The following HIP1 variants were observed in gnomAD, a reference collection of about 807,000 sequenced individuals.
HIP1 encodes huntingtin-interacting protein 1.
A neutral mutation model predicts 147.6 loss-of-function variants in HIP1; 65 were observed. The observed-to-expected ratio is 0.44, with a 90% confidence interval of 0.36 to 0.54. HIP1 has a LOEUF of 0.54. HIP1 is among the 20% of genes least tolerant of loss of function. HIP1 has a pLI of 0.00. For synonymous variants in HIP1, 479 were observed against 504.0 expected (o/e 0.95, Z 0.67); for missense variants, 1,061 against 1,299.6 (o/e 0.82, Z 2.82).
chr7:75,585,559 C>T (rs969868858), intron 5 of HIP1, among the ~76,000 whole-genome samples: 17 of 152,058 alleles, frequency 1.1e-4, no homozygotes, highest in Middle Eastern at 3.4e-3. Flanking sequence ...TCCAATCACA[C>T]GCTACAAGCC....
Position 75,535,108 on chromosome 7 carries a change from A to C in HIP1, c.*3064T>G. The C allele has an allele frequency of 4.6e-6, 1 of 216,304 alleles. No homozygotes were observed. Among genetic ancestry groups the C allele is most frequent in the African/African-American group, 2.2e-5 (1 of 44,492 alleles). 13.4% of individuals were successfully genotyped at this position (216,304 alleles called of 1,614,324 possible). A position where few individuals can be genotyped will look rare whatever the true frequency, so the allele number is the denominator to read the frequency against. Reference sequence around the variant, plus strand: ...TACGAAAGTAATTATGTGACATCTGACAGCTACTTCCTCATGTGACACTGA... The same window carrying C: ...TACGAAAGTAATTATGTGACATCTGCCAGCTACTTCCTCATGTGACACTGA... On this transcript the variant is annotated 3_prime_UTR_variant, in exon 31 of 31. Coordinates refer to ENST00000336926, the MANE Select transcript of HIP1 (RefSeq NM_005338.7).
chr7:75,714,189 G>A (rs782615730), intron 1 of HIP1, among the ~76,000 whole-genome samples: 2 of 151,276 alleles, frequency 1.3e-5, no homozygotes, highest in African/African-American at 2.4e-5. Flanking sequence ...ACAGGTGTGC[G>A]CCATCATGCC....
intron 1 of HIP1, among the ~76,000 whole-genome samples, chr7:75,693,769 G>C (rs1345212035): frequency 6.6e-6 from 1 of 150,818 alleles, no homozygotes; most frequent in African/African-American, 2.4e-5. Flanking sequence ...CAGCTACTCG[G>C]GGGAAGGGAG....
At chr7:75,731,105 A>G (rs1163954761) in intron 1 of HIP1, among the ~76,000 whole-genome samples, 1 of 152,102 alleles carries the variant, frequency 6.6e-6, no homozygotes, top group Non-Finnish European at 1.5e-5. Context: ...AGGGACCAAA[A>G]GAAAGCTCTT....
intron 1 of HIP1, among the ~76,000 whole-genome samples, chr7:75,624,216 A>G (rs1385195671): frequency 6.6e-6 from 1 of 152,188 alleles, no homozygotes; most frequent in Non-Finnish European, 1.5e-5. Flanking sequence ...GCGCTGATGG[A>G]TACTCCCTGC....
At chr7:75,717,178 T>C (rs964389803) in intron 1 of HIP1, among the ~76,000 whole-genome samples, 9 of 152,098 alleles carry the variant, frequency 5.9e-5, no homozygotes, top group Non-Finnish European at 1.2e-4. Context: ...CCACGCATGA[T>C]GAAATTGATA....
At chr7:75,668,315 A>C (rs1296544267) in intron 1 of HIP1, among the ~76,000 whole-genome samples, 1 of 152,014 alleles carries the variant, frequency 6.6e-6, no homozygotes, top group Non-Finnish European at 1.5e-5. Flanking sequence ...GGACTTCCCA[A>C]CTTTTGTTTT....
chr7:75,669,228 G>A (rs1799659379), intron 1 of HIP1, among the ~76,000 whole-genome samples: 1 of 151,940 alleles, frequency 6.6e-6, no homozygotes, highest in Non-Finnish European at 1.5e-5. Flanking sequence ...AAAAAATTAG[G>A]CTGGCATGGC....
chr7:75,586,870 A>G (rs1268472022), intron 4 of HIP1, 37 bp from the exon 5 acceptor site: 3 of 1,245,054 alleles, frequency 2.4e-6, no homozygotes, highest in African/African-American at 2.9e-5. Context: ...GTCAACAACA[A>G]GAACATAACA....
chr7:75,732,673 G>A (rs1225078231), intron 1 of HIP1, among the ~76,000 whole-genome samples: 2 of 152,148 alleles, frequency 1.3e-5, no homozygotes, highest in African/African-American at 2.4e-5. Flanking sequence ...GAGCCACTGC[G>A]CCCGGCTCAC....
intron 7 of HIP1, among the ~76,000 whole-genome samples, chr7:75,578,763 T>A (rs1312808412): frequency 6.6e-6 from 1 of 152,176 alleles, no homozygotes; most frequent in Non-Finnish European, 1.5e-5. Context: ...ATCCAAATGA[T>A]GAAAAGTTAG....
intron 1 of HIP1, among the ~76,000 whole-genome samples, chr7:75,669,035 C>T (rs62475513): frequency 3.6e-4 from 54 of 149,680 alleles, no homozygotes; most frequent in Non-Finnish European, 5.8e-4. Context: ...CTGGCCAACA[C>T]GGCGAAACCT....
intron 1 of HIP1, among the ~76,000 whole-genome samples, chr7:75,666,925 C>G (rs939040954): frequency 2.0e-5 from 3 of 152,070 alleles, no homozygotes; most frequent in South Asian, 2.1e-4. Flanking sequence ...AGCAAAAAAG[C>G]AGGACACGAA....
At chr7:75,627,203 A>G (rs150777685) in intron 1 of HIP1, among the ~76,000 whole-genome samples, 4 of 152,314 alleles carry the variant, frequency 2.6e-5, no homozygotes, top group African/African-American at 9.6e-5. Context: ...GTGTACTTCA[A>G]TGAAGCAAGT....
chr7:75,560,953 ATT>A (rs11438714), intron 13 of HIP1, among the ~76,000 whole-genome samples: 14 of 140,036 alleles, frequency 1.0e-4, no homozygotes, highest in South Asian at 2.3e-4. Context: ...AGGTGATGCA[ATT>A]TTTTTTTTTT....
At position 75,533,631 on chromosome 7, in the gene HIP1, T is replaced by G. The variant is rs587774547; in HGVS notation, c.*4541A>C. On this transcript the variant is annotated 3_prime_UTR_variant, in exon 31 of 31. Transcript: ENST00000336926. ...CTCGGTTTGTCCCTATGAGTGGTAA[T>G]CAGTTTCATTTAGGGCCTTCAAACC... 2.6e-5 allele frequency: 6 copies of G among 232,612 alleles called. No individual in the cohort carries two copies. The highest frequency in any genetic ancestry group is 4.3e-5 in the Non-Finnish European group (5 of 117,628). 14.4% of individuals were successfully genotyped at this position (232,612 alleles called of 1,614,324 possible).
intron 1 of HIP1, among the ~76,000 whole-genome samples, chr7:75,690,649 G>A (rs1406755786): frequency 6.6e-6 from 1 of 151,996 alleles, no homozygotes; most frequent in Admixed American, 6.6e-5. Context: ...GATCACCTGA[G>A]GTCAGGAGTT....
chr7:75,673,801 T>C (rs1799799378), intron 1 of HIP1, among the ~76,000 whole-genome samples: 1 of 116,388 alleles, frequency 8.6e-6, no homozygotes, highest in Non-Finnish European at 1.7e-5. Flanking sequence ...CTGGGCAACA[T>C]AGCAAAGCCC....
At chr7:75,661,819 G>A (rs1220660142) in intron 1 of HIP1, among the ~76,000 whole-genome samples, 1 of 152,020 alleles carries the variant, frequency 6.6e-6, no homozygotes, top group African/African-American at 2.4e-5. Flanking sequence ...ATGGGCAGTG[G>A]GAGGTGGTGA....
Sources: gnomAD v4.1 joint callset for allele counts (sites outside exome capture counted in the v4.1 genomes callset) on GRCh38, gnomAD v4.1.1 for gene constraint, MANE v1.5 for transcripts, NCBI Gene and HGNC (gene_info 2026-07-23, HGNC 2026-07-21) for gene names.